The following CNTN6 variants were observed in gnomAD, a reference collection of about 807,000 sequenced individuals.
CNTN6 encodes the protein contactin 6, also known as contactin-6.
A neutral mutation model predicts 122.8 loss-of-function variants in CNTN6; 137 were observed. The ratio of observed to expected loss-of-function variants is 1.12; its 90% CI spans 0.97 to 1.29. The LOEUF is 1.29. CNTN6 is among the 50% of genes most tolerant of loss of function. CNTN6 has a pLI of 0.00. For synonymous variants in CNTN6, 570 were observed against 426.0 expected, an observed-to-expected ratio of 1.34 and a Z score of -4.16; for missense variants, 1,634 against 1,223.4, an observed-to-expected ratio of 1.34 and a Z score of -5.01.
chr3:1,257,889 A>G (rs2094785322), intron 4 of CNTN6, among the ~76,000 whole-genome samples: 2 of 152,286 alleles, frequency 1.3e-5, no homozygotes, highest in East Asian at 1.9e-4. Context: ...CTTCCTGTAA[A>G]TAGGTCAGAT....
intron 7 of CNTN6, among the ~76,000 whole-genome samples, chr3:1,300,416 G>A (rs1196749195): frequency 6.7e-6 from 1 of 148,904 alleles, no homozygotes; most frequent in African/African-American, 2.5e-5. Flanking sequence ...ATTGATGACA[G>A]TATAAGAGAG....
At chr3:1,156,228 A>T (rs1158749512) in intron 2 of CNTN6, among the ~76,000 whole-genome samples, 3 of 152,206 alleles carry the variant, frequency 2.0e-5, no homozygotes, top group Non-Finnish European at 4.4e-5. Flanking sequence ...AGGCAAATCC[A>T]ATCTTTAACA....
Position 1,321,753 on chromosome 3 carries a change from CAAG to C in CNTN6, c.870_872del (p.Glu290del). 2.5e-6 allele frequency: 4 copies of C among 1,611,934 alleles called. No homozygotes were observed. The highest frequency in any genetic ancestry group is 3.4e-6 in the Non-Finnish European group (4 of 1,178,686). On this transcript the variant is annotated inframe_deletion, in exon 8 of 23. Transcript: ENST00000446702. ...TATCCTTGAAATCCCGAACTTCCAA[CAAG>C]AAGATGAAGGCTTTTATGAGTGCAT...
intron 9 of CNTN6, 56 bp downstream of exon 9, chr3:1,326,007 A>G (rs1215490010): frequency 5.4e-6 from 8 of 1,480,638 alleles, no homozygotes; most frequent in African/African-American, 1.4e-5. Context: ...AAATTTTGTT[A>G]CTAACAGTAC....
At chr3:1,124,376 C>G (rs1039232688) in intron 1 of CNTN6, among the ~76,000 whole-genome samples, 1 of 151,898 alleles carries the variant, frequency 6.6e-6, no homozygotes. Context: ...CTCCTCCAAA[C>G]ACATAACTTT....
rs567971740 is a variant in CNTN6, at chr3:1,227,095, T to C, written c.183-723T>C. 1.2e-3 allele frequency among the ~76,000 whole-genome samples: 182 copies of C among 152,318 alleles called. 2 individuals are homozygous for C. The highest frequency in any genetic ancestry group is 6.8e-3 in the Middle Eastern group (2 of 294). On this transcript the variant is annotated intron_variant, in intron 3 of 22. Coordinates refer to ENST00000446702, the MANE Select transcript of CNTN6 (RefSeq NM_001289080.2). ...CAAATAAAATTTCTAAAACTAGTTA[T>C]GAATCTTTGAAAGTAAATATAACTC...
At chr3:1,209,139 T>G (rs3772350) in intron 2 of CNTN6, among the ~76,000 whole-genome samples, 1 of 151,950 alleles carries the variant, frequency 6.6e-6, no homozygotes, top group African/African-American at 2.4e-5. Context: ...ATATACATTT[T>G]AGGCAGGTTT....
chr3:1,401,389 G>T (rs569607734), intron 20 of CNTN6, 44 bp from the exon 21 acceptor site: 3 of 1,491,828 alleles, frequency 2.0e-6, no homozygotes, highest in South Asian at 2.3e-5. Flanking sequence ...CTTTGACCAT[G>T]AGCTAATTAA....
intron 1 of CNTN6, among the ~76,000 whole-genome samples, chr3:1,099,379 G>A (rs9879867): frequency 0.61 from 91,873 of 151,466 alleles, 28,704 homozygotes; most frequent in East Asian, 0.81. Context: ...GGAACCCGGG[G>A]GGCGGAGCTT....
intron 5 of CNTN6, among the ~76,000 whole-genome samples, chr3:1,289,426 G>C (rs1307666634): frequency 6.6e-6 from 1 of 152,166 alleles, no homozygotes; most frequent in African/African-American, 2.4e-5. Flanking sequence ...GCTGCTGCTA[G>C]CTCTATTCCC....
chr3:1,348,726 T>A (rs768422417), intron 11 of CNTN6, among the ~76,000 whole-genome samples: 27 of 151,982 alleles, frequency 1.8e-4, no homozygotes, highest in Non-Finnish European at 3.7e-4. Flanking sequence ...AAGAAAGATA[T>A]GGTTAGAATC....
chr3:1,400,567 G>T (rs1695560815), intron 20 of CNTN6, among the ~76,000 whole-genome samples: 1 of 152,116 alleles, frequency 6.6e-6, no homozygotes, highest in Non-Finnish European at 1.5e-5. Context: ...AGTTTGTGAT[G>T]ATTTTCCCCT....
At chr3:1,402,186 AC>A (rs1197054265) in intron 21 of CNTN6, 131 bp from the exon 22 acceptor site, 2 of 623,096 alleles carry the variant, frequency 3.2e-6, no homozygotes, top group Non-Finnish European at 5.0e-6. Flanking sequence ...AAAAGACATC[AC>A]TTGGATATTT....
At chr3:1,384,780 T>TAC (rs1559990213) in intron 19 of CNTN6, among the ~76,000 whole-genome samples, 1,798 of 130,380 alleles carry the variant, frequency 0.014, 54 homozygotes, top group African/African-American at 0.053. Flanking sequence ...CACATATATA[T>TAC]ATATATATAT....
chr3:1,360,953 A>G (rs181373523), intron 12 of CNTN6, among the ~76,000 whole-genome samples: 5 of 151,952 alleles, frequency 3.3e-5, no homozygotes, highest in African/African-American at 9.7e-5. Context: ...CCCATATTCA[A>G]TTGCCCCAAA....
chr3:1,403,681 G>GTTAC lies in CNTN6; in HGVS notation c.*267_*270dup, dbSNP rs1262495613. ...GAGTTGTAACTGCTGTGTCTTTTAA[G>GTTAC]TTACTTATATGGAGAAAATAAATAA... On this transcript the variant is annotated 3_prime_UTR_variant, in exon 23 of 23. Coordinates refer to ENST00000446702, the MANE Select transcript of CNTN6 (RefSeq NM_001289080.2). 4.1e-6 allele frequency: 1 copy of GTTAC among 243,322 alleles called. No homozygotes were observed. The highest frequency in any genetic ancestry group is 7.8e-6 in the Non-Finnish European group (1 of 128,648). 15.1% of individuals were successfully genotyped at this position (243,322 alleles called of 1,614,324 possible). A position where few individuals can be genotyped will look rare whatever the true frequency, so the allele number is the denominator to read the frequency against.
At chr3:1,212,029 A>G (rs2125477748) in intron 2 of CNTN6, among the ~76,000 whole-genome samples, 1 of 152,314 alleles carries the variant, frequency 6.6e-6, no homozygotes, top group Middle Eastern at 3.4e-3. Context: ...TTTAGGGAAT[A>G]ATAATGAACG....
At chr3:1,279,827 A>G (rs1055090270) in intron 5 of CNTN6, among the ~76,000 whole-genome samples, 1 of 152,262 alleles carries the variant, frequency 6.6e-6, no homozygotes, top group East Asian at 1.9e-4. Context: ...TGCCATGACC[A>G]AAAGAAAAGA....
intron 1 of CNTN6, among the ~76,000 whole-genome samples, chr3:1,113,193 T>A (rs2091562593): frequency 6.6e-6 from 1 of 152,160 alleles, no homozygotes; most frequent in Non-Finnish European, 1.5e-5. Context: ...GCCTGTAACT[T>A]CTAAAGAGGC....
Sources: gnomAD v4.1 joint callset for allele counts (sites outside exome capture counted in the v4.1 genomes callset) on GRCh38, gnomAD v4.1.1 for gene constraint, MANE v1.5 for transcripts, NCBI Gene and HGNC (gene_info 2026-07-23, HGNC 2026-07-21) for gene names.